Variants in XIRP2 observed in about 807,000 individuals in gnomAD.
XIRP2 encodes xin actin-binding repeat-containing protein 2.
Under a neutral mutation model 277.0 loss-of-function variants are expected in XIRP2, and 236 were observed. The observed-to-expected ratio is 0.85, with a 90% CI of 0.77 to 0.95. XIRP2 has a LOEUF of 0.95. XIRP2 is among the 40% of genes least tolerant of loss of function. XIRP2 has a pLI of 0.00. For missense variants in XIRP2, 4,640 were observed against 4,157.5 expected (o/e 1.12, Z -3.19); for synonymous variants, 1,490 against 1,416.5 (o/e 1.05, Z -1.17).
intron 2 of XIRP2, among the ~76,000 whole-genome samples, chr2:167,011,779 C>A (rs1687686354): frequency 6.6e-6 from 1 of 152,000 alleles, no homozygotes; most frequent in Non-Finnish European, 1.5e-5. Context: ...AGAGATTCAA[C>A]TTCTTCCTGG....
chr2:167,258,622 T>C lies in XIRP2; in HGVS notation c.*805T>C, dbSNP rs939684082. The C allele has an allele frequency of 1.9e-6, 3 of 1,612,606 alleles. No homozygotes were observed. The African/African-American group carries it at 4.0e-5, about 22-fold the overall frequency. On this transcript the variant is annotated 3_prime_UTR_variant, in exon 11 of 11. Coordinates refer to ENST00000409195, the MANE Select transcript of XIRP2 (RefSeq NM_152381.6). ...AAGTTTTACAGGTTACTAACACTGA[T>C]GATGAGATGATGCCAGAAAATCATA...
intron 2 of XIRP2, among the ~76,000 whole-genome samples, chr2:167,000,792 C>T (rs1242329014): frequency 6.6e-6 from 1 of 152,022 alleles, no homozygotes; most frequent in Non-Finnish European, 1.5e-5. Flanking sequence ...ACTTTTGATA[C>T]AATCATAATG....
chr2:167,025,062 C>T (rs537247809), intron 2 of XIRP2, among the ~76,000 whole-genome samples: 4 of 151,962 alleles, frequency 2.6e-5, no homozygotes, highest in Admixed American at 1.3e-4. Flanking sequence ...TGGTAGAATT[C>T]GGCTGTGAAT....
chr2:167,220,345 C>T (rs1216523840), intron 5 of XIRP2, among the ~76,000 whole-genome samples: 1 of 152,160 alleles, frequency 6.6e-6, no homozygotes, highest in Non-Finnish European at 1.5e-5. Context: ...TTAGACAAGT[C>T]TCTTAACATC....
chr2:166,971,222 A>T (rs985125648), intron 2 of XIRP2, among the ~76,000 whole-genome samples: 27 of 152,068 alleles, frequency 1.8e-4, no homozygotes, highest in Non-Finnish European at 3.8e-4. Context: ...CCCCTAGAAC[A>T]TATGCTACAT....
chr2:167,177,964 A>G (rs1304417669), intron 3 of XIRP2, among the ~76,000 whole-genome samples: 1 of 152,120 alleles, frequency 6.6e-6, no homozygotes, highest in Non-Finnish European at 1.5e-5. Context: ...GTATGTCCAT[A>G]CAATGACCGT....
chr2:166,970,805 A>G (rs1223109952), intron 2 of XIRP2, among the ~76,000 whole-genome samples: 1 of 151,986 alleles, frequency 6.6e-6, no homozygotes, highest in Non-Finnish European at 1.5e-5. Flanking sequence ...TTGTAAAACC[A>G]ATTCTGAAGT....
chr2:166,919,274 A>T (rs2105355819), intron 2 of XIRP2, among the ~76,000 whole-genome samples: 1 of 152,318 alleles, frequency 6.6e-6, no homozygotes, highest in Non-Finnish European at 1.5e-5. Flanking sequence ...TGAATGTTAT[A>T]ACTTCCAAAC....
intron 2 of XIRP2, among the ~76,000 whole-genome samples, chr2:166,952,718 ACT>A (rs1284889865): frequency 1.3e-5 from 2 of 151,750 alleles, no homozygotes; most frequent in African/African-American, 4.8e-5. Context: ...GCTCATCTTT[ACT>A]CTGTTTTTTT....
rs190378670 is a variant in XIRP2 at position 167,095,709 on chromosome 2, G to A, written c.409-40200G>A. ...AGATTTTTAAAGTGCTGCTGGATTC[G>A]GTTTGCCAGTATCTTATTGAGGATT... On this transcript the variant is annotated intron_variant, in intron 2 of 10. Coordinates refer to ENST00000409195, the MANE Select transcript of XIRP2 (RefSeq NM_152381.6). Among the ~76,000 whole-genome samples, 491 of 151,886 alleles carry A rather than the reference G, an allele frequency of 3.2e-3. 4 individuals are homozygous for A. Among genetic ancestry groups the A allele is most frequent in the African/African-American group, 0.011 (466 of 41,450 alleles).
intron 2 of XIRP2, among the ~76,000 whole-genome samples, chr2:167,095,875 TTTTTTTTTTTTTTTTTG>T (rs1690298499): frequency 3.6e-5 from 3 of 83,128 alleles, no homozygotes; most frequent in African/African-American, 2.4e-4. Context: ...TTTTTTTTTT[TTTTTTTTTTTTTTTTTG>T]AGAAGGAGTC....
At chr2:167,118,829 G>T (rs184318295) in intron 2 of XIRP2, among the ~76,000 whole-genome samples, 2 of 152,172 alleles carry the variant, frequency 1.3e-5, no homozygotes, top group Admixed American at 1.3e-4. Context: ...AGTCATGAAG[G>T]TGAAATAACC....
chr2:166,894,458 C>T (rs973475142), intron 1 of XIRP2, among the ~76,000 whole-genome samples: 1 of 152,036 alleles, frequency 6.6e-6, no homozygotes, highest in African/African-American at 2.4e-5. Flanking sequence ...ATTAGTGTTT[C>T]TCAAAGTATA....
At chr2:166,893,293 G>T (rs1684156638) in intron 1 of XIRP2, among the ~76,000 whole-genome samples, 1 of 152,018 alleles carries the variant, frequency 6.6e-6, no homozygotes, top group South Asian at 2.1e-4. Flanking sequence ...TGCTGATAAA[G>T]ATGGCATTTA....
At chr2:166,981,506 C>A (rs1438628049) in intron 2 of XIRP2, among the ~76,000 whole-genome samples, 7 of 152,038 alleles carry the variant, frequency 4.6e-5, no homozygotes, top group Non-Finnish European at 1.5e-5. Flanking sequence ...ACTACAACCT[C>A]CACCTCCCGG....
At chr2:166,971,953 T>C (rs1686588486) in intron 2 of XIRP2, among the ~76,000 whole-genome samples, 2 of 152,090 alleles carry the variant, frequency 1.3e-5, no homozygotes, top group South Asian at 4.1e-4. Flanking sequence ...AATGTAAATA[T>C]AAAGGACATT....
intron 3 of XIRP2, among the ~76,000 whole-genome samples, chr2:167,193,976 G>A (rs1336601079): frequency 6.6e-6 from 1 of 151,392 alleles, no homozygotes; most frequent in Non-Finnish European, 1.5e-5. Context: ...AATAATAATA[G>A]CACAAGTTTC....
chr2:166,915,587 T>G (rs566215676), intron 2 of XIRP2, among the ~76,000 whole-genome samples: 10 of 152,294 alleles, frequency 6.6e-5, no homozygotes, highest in African/African-American at 2.4e-4. Flanking sequence ...ATGAGGCCAC[T>G]AAAAAGCCTC....
At chr2:167,158,081 G>T (rs1349598868) in intron 3 of XIRP2, among the ~76,000 whole-genome samples, 2 of 152,116 alleles carry the variant, frequency 1.3e-5, no homozygotes, top group African/African-American at 2.4e-5. Context: ...CTTACATTTT[G>T]CACTTAAAGA....
Sources: gnomAD v4.1 joint callset for allele counts (sites outside exome capture counted in the v4.1 genomes callset) on GRCh38, gnomAD v4.1.1 for gene constraint, MANE v1.5 for transcripts, NCBI Gene and HGNC (gene_info 2026-07-23, HGNC 2026-07-21) for gene names.